TRIP6: variants seen among roughly 807,000 people sequenced by gnomAD.
TRIP6 encodes the protein thyroid receptor-interacting protein 6.
In TRIP6, 33 loss-of-function variants were observed where a neutral mutation model predicts 51.9. That is an observed-to-expected ratio of 0.64 (90% CI 0.48 to 0.85). The LOEUF is 0.85. Among genes scored for constraint, TRIP6 ranks in the 40% least tolerant of loss-of-function variants. TRIP6 has a pLI of 0.00. For missense variants in TRIP6, 661 were observed against 652.1 expected (o/e 1.01, Z -0.15); for synonymous variants, 255 against 275.8 (o/e 0.92, Z 0.75).
chr7:100,871,563 C>T lies in TRIP6; in HGVS notation c.1020C>T (p.Ala340=). The part of the protein sequence containing the change: ...GCYVATLEKC[A]TCSQPILDRI... ...AACAGGCCACCCTGGAGAAATGTGC[C>T]ACGTGCTCCCAGCCCATCCTGGACC... Residue 340 remains alanine, a synonymous_variant, in exon 7 of 9, where the codon GCC becomes GCT. Transcript: ENST00000200457. 3 of 1,613,966 alleles carry T rather than the reference C, an allele frequency of 1.9e-6. No homozygotes were observed. Among genetic ancestry groups the T allele is most frequent in the Non-Finnish European group, 2.5e-6 (3 of 1,179,940 alleles).
chr7:100,868,194 TG>T lies in TRIP6; in HGVS notation c.329del (p.Gly110ValfsTer27). ...LLSSTLAELN[G>X]GRGHASRRPD... is the part of the protein sequence containing the mutation. ...TGAGCAGCACGCTGGCCGAGCTGAA[TG>T]GGGGTCGGGGTCATGCGTCACGGCG... is the stretch of plus-strand genomic sequence containing the variant. On this transcript the variant is annotated frameshift_variant, in exon 3 of 9. Coordinates refer to ENST00000200457, the MANE Select transcript of TRIP6 (RefSeq NM_003302.3). LOFTEE classifies it high-confidence loss of function. The T allele has an allele frequency of 6.2e-7, 1 of 1,610,018 alleles. No individual in the cohort carries two copies. The highest frequency in any genetic ancestry group is 8.5e-7 in the Non-Finnish European group (1 of 1,178,144).
rs375599172 is a variant in TRIP6 at position 100,870,702 on chromosome 7, T to C, written c.958T>C (p.Tyr320His). The C allele has an allele frequency of 3.3e-5, 54 of 1,614,034 alleles. No individual in the cohort carries two copies. The highest frequency in any genetic ancestry group is 4.0e-5 in the Non-Finnish European group (47 of 1,180,030). ...GGCCCAGCTTCGCGGCCAGCATTTC[T>C]ACGCCGTGGAGAGGAGGGCATATTG... is the stretch of plus-strand genomic sequence containing the variant. ...CRAQLRGQHF[Y>H]AVERRAYCEG... Residue 320 changes from tyrosine (Y) to histidine (H), a missense_variant, in exon 6 of 9, where the codon TAC becomes CAC. Physicochemically the swap from Tyr to His is moderately conservative, Grantham distance 83. Coordinates refer to ENST00000200457, the MANE Select transcript of TRIP6 (RefSeq NM_003302.3).
chr7:100,868,124 G>C lies in TRIP6; in HGVS notation c.254G>C (p.Arg85Thr), dbSNP rs201628297. ...CATCCTCAGGGGCTCCCTGCAGACAGGGGGGGCCTTCGCCCTGGAAGCCTG... is the reference window on the plus strand; with the variant it reads ...CATCCTCAGGGGCTCCCTGCAGACACGGGGGGCCTTCGCCCTGGAAGCCTG... ...LQHTQGLPAD[R>T]GGLRPGSLDA... Residue 85 changes from arginine (R) to threonine (T), a missense_variant, in exon 3 of 9, where the codon AGG becomes ACG. Physicochemically the swap from Arg to Thr is moderately conservative, Grantham distance 71 (BLOSUM62 -1). Coordinates refer to ENST00000200457, the MANE Select transcript of TRIP6 (RefSeq NM_003302.3). 7.0e-5 allele frequency: 113 copies of C among 1,610,610 alleles called. 1 individual carries two copies. The East Asian group carries it at 2.3e-3, about 33-fold the overall frequency.
At chr7:100,871,787 C>A in intron 7 of TRIP6, 66 bp downstream of exon 7, 1 of 1,551,966 alleles carries the variant, frequency 6.4e-7, no homozygotes, top group Non-Finnish European at 8.8e-7. Flanking sequence ...TCTCTTCATG[C>A]CCCAGGACTG....
At chr7:100,870,035 A>G (rs1204264372) in intron 4 of TRIP6, among the ~76,000 whole-genome samples, 5 of 152,142 alleles carry the variant, frequency 3.3e-5, no homozygotes, top group Non-Finnish European at 7.4e-5. Flanking sequence ...GCAACTGGAC[A>G]GTCCCATCTG....
In TRIP6 at chr7:100,868,967, A is replaced by G. The variant is rs968430020; in HGVS notation, c.735+101A>G. ...TTAGGGGGCTTTTTTGTTTTTTGAG[A>G]CAGAGTTTTGCTCTTGTTTGCCCAG... On this transcript the variant is annotated intron_variant, in intron 4 of 8. Coordinates refer to ENST00000200457, the MANE Select transcript of TRIP6 (RefSeq NM_003302.3). 6.2e-5 allele frequency: 85 copies of G among 1,366,284 alleles called. No individual in the cohort carries two copies. The South Asian group carries it at 1.6e-3, about 26-fold the overall frequency. The allele number at this position is 1,366,284 out of a possible 1,614,324, so 84.6% of individuals were successfully genotyped here.
Position 100,870,675 on chromosome 7 carries a change from C to G in TRIP6, c.931C>G (p.Arg311Gly). The G allele has an allele frequency of 6.2e-7, 1 of 1,614,082 alleles. No individual in the cohort carries two copies. The stretch of plus-strand genomic sequence containing the variant: ...GGGCTGCTTTGTATGTTCTACATGC[C>G]GGGCCCAGCTTCGCGGCCAGCATTT... ...HVGCFVCSTC[R>G]AQLRGQHFYA... is the part of the protein sequence containing the mutation. The change falls in exon 6 of 9, where the codon CGG (arginine) becomes GGG (glycine). Residue 311 changes from arginine to glycine, a missense_variant. Transcript: ENST00000200457.
intron 8 of TRIP6, 45 bp from the exon 9 acceptor site, chr7:100,873,127 G>T: frequency 4.4e-6 from 7 of 1,595,062 alleles, no homozygotes; most frequent in Non-Finnish European, 6.0e-6. Context: ...GGGATTACAG[G>T]CGTGAGCCAT....
rs1435169072 is a variant in TRIP6 at position 100,868,711 on chromosome 7, C to T, written c.580C>T (p.Pro194Ser). The T allele has an allele frequency of 8.9e-6, 14 of 1,578,348 alleles. No individual in the cohort carries two copies. Among genetic ancestry groups the T allele is most frequent in the Non-Finnish European group, 1.2e-5 (14 of 1,163,456 alleles). The change falls in exon 4 of 9, where the codon CCC becomes TCC. Residue 194 changes from proline (P) to serine (S), a missense_variant. Coordinates refer to ENST00000200457, the MANE Select transcript of TRIP6 (RefSeq NM_003302.3). ...PRRGASQASG[P>S]LPGPHFPLPG... ...GCGGGGAGCCTCTCAGGCCTCTGGG[C>T]CCCTCCCGGGCCCCCACTTTCCTCT...
chr7:100,869,569 T>C (rs1815224880), intron 4 of TRIP6, among the ~76,000 whole-genome samples: 1 of 144,742 alleles, frequency 6.9e-6, no homozygotes, highest in Non-Finnish European at 1.5e-5. Context: ...GAGGTGGAGG[T>C]TGCGGTGAGC....
chr7:100,872,810 G>C, intron 8 of TRIP6, 66 bp downstream of exon 8: 4 of 1,587,562 alleles, frequency 2.5e-6, no homozygotes, highest in Non-Finnish European at 3.4e-6. Context: ...GCATGAGGGG[G>C]AACACAGAGG....
At position 100,867,965 on chromosome 7, in the gene TRIP6, C is replaced by A; in HGVS notation, c.214C>A (p.His72Asn). The change falls in exon 2 of 9, where the codon CAT (histidine) becomes AAT (asparagine). Residue 72 changes from histidine to asparagine, a missense_variant. His to Asn is a moderately conservative substitution (Grantham distance 68). Transcript: ENST00000200457. This position sits in a 1 kb window ranked among gnomAD's most constrained non-coding sequence, Gnocchi z 5.4. The stretch of plus-strand genomic sequence containing the variant: ...TCGGGGGCCGGCGTGGGTGGGGTCC[C>A]ATGGAGTACTCCAGCACACGCAGGT... Reference protein sequence around the residue: ...EDRGPAWVGSHGVLQHTQGLP... With the variant: ...EDRGPAWVGSNGVLQHTQGLP... 6.6e-7 allele frequency: 1 copy of A among 1,514,854 alleles called. No homozygotes were observed. Among genetic ancestry groups the A allele is most frequent in the Non-Finnish European group, 8.8e-7 (1 of 1,134,774 alleles). The allele number at this position is 1,514,854 out of a possible 1,614,324, so 93.8% of individuals were successfully genotyped here.
In TRIP6 at chr7:100,869,624, C is replaced by T. The variant is rs1815226749; in HGVS notation, c.736-746C>T. On this transcript the variant is annotated intron_variant, in intron 4 of 8. Transcript: ENST00000200457. ...TCCAACCTGGGCAACAAGAGCAAAACTCTGTCTCAAAAAAAAAAAAAAAAA... is the reference window on the plus strand; with the variant it reads ...TCCAACCTGGGCAACAAGAGCAAAATTCTGTCTCAAAAAAAAAAAAAAAAA... Among the ~76,000 whole-genome samples, 2 of 128,682 alleles carry T rather than the reference C, an allele frequency of 1.6e-5. 1 individual carries two copies. The highest frequency in any genetic ancestry group is 1.6e-4 in the Admixed American group (2 of 12,348). The allele number at this position is 128,682 out of a possible 152,430, so 84.4% of individuals were successfully genotyped here.
chr7:100,868,703 C>A lies in TRIP6; in HGVS notation c.572C>A (p.Ala191Asp). ...CGPPRRGASQ[A>D]SGPLPGPHFP... is the part of the protein sequence containing the mutation. The stretch of plus-strand genomic sequence containing the variant: ...CCACCCAGGCGGGGAGCCTCTCAGG[C>A]CTCTGGGCCCCTCCCGGGCCCCCAC... The change falls in exon 4 of 9, where the codon GCC becomes GAC. Residue 191 changes from alanine (A) to aspartate (D), a missense_variant. Transcript: ENST00000200457. 1 of 1,581,396 alleles carries A rather than the reference C, an allele frequency of 6.3e-7. No homozygotes were observed. The highest frequency in any genetic ancestry group is 8.6e-7 in the Non-Finnish European group (1 of 1,165,100).
chr7:100,870,561 T>A lies in TRIP6; in HGVS notation c.830-13T>A. ...GGTCTGTGAAGACTGATGCTGTTTC[T>A]CCCTGTCCTCAGGCCAGTGTGGTGG... On this transcript the variant is annotated splice_polypyrimidine_tract_variant and intron_variant, in intron 5 of 8. Coordinates refer to ENST00000200457, the MANE Select transcript of TRIP6 (RefSeq NM_003302.3). The A allele has an allele frequency of 6.2e-7, 1 of 1,612,036 alleles. No individual in the cohort carries two copies. The highest frequency in any genetic ancestry group is 1.1e-5 in the South Asian group (1 of 90,986).
At chr7:100,868,453 T>C (rs1298299289) in intron 3 of TRIP6, 42 bp from the exon 4 acceptor site, 4 of 1,612,210 alleles carry the variant, frequency 2.5e-6, no homozygotes, top group African/African-American at 1.3e-5. Flanking sequence ...GGTCTTGGAG[T>C]GGGGTCCTTG....
In TRIP6 at chr7:100,867,726, GA is replaced by G; in HGVS notation, c.109+122del. On this transcript the variant is annotated intron_variant, in intron 1 of 8. Coordinates refer to ENST00000200457, the MANE Select transcript of TRIP6 (RefSeq NM_003302.3). The surrounding 1 kb of genome is among the most constrained non-coding windows in gnomAD (Gnocchi z 5.4). ...CCCCTTCCCCAAGCCGAGGCGGGGGGAACAGCCGCCTGCGCTCTCTTGGGAC... is the reference window on the plus strand; with the variant it reads ...CCCCTTCCCCAAGCCGAGGCGGGGGGACAGCCGCCTGCGCTCTCTTGGGAC... The G allele has an allele frequency of 3.3e-6, 5 of 1,521,562 alleles. No individual in the cohort carries two copies. The highest frequency in any genetic ancestry group is 4.4e-6 in the Non-Finnish European group (5 of 1,131,254). The allele number at this position is 1,521,562 out of a possible 1,614,324, so 94.3% of individuals were successfully genotyped here. A position where few individuals can be genotyped will look rare whatever the true frequency, so the allele number is the denominator to read the frequency against.
chr7:100,868,499 A>G lies in TRIP6; in HGVS notation c.368A>G (p.Tyr123Cys). 6.2e-7 allele frequency: 1 copy of G among 1,612,960 alleles called. No individual in the cohort carries two copies. The highest frequency in any genetic ancestry group is 8.5e-7 in the Non-Finnish European group (1 of 1,179,988). ...CTGGCCTGCGTTTCTCCTCAGGCAT[A>G]TGAGCCCCCGCCACCTCCTGCCTAC... The part of the protein sequence containing the change: ...HASRRPDRQA[Y>C]EPPPPPAYRT... The change falls in exon 4 of 9, where the codon TAT becomes TGT. Residue 123 changes from tyrosine (Y) to cysteine (C), a missense_variant. Physicochemically the swap from Tyr to Cys is radical, Grantham distance 194. Transcript: ENST00000200457.
At position 100,871,531 on chromosome 7, in the gene TRIP6, C is replaced by A. The variant is rs1815267678; in HGVS notation, c.1000-12C>A. 1.2e-6 allele frequency: 2 copies of A among 1,610,338 alleles called. No homozygotes were observed. The highest frequency in any genetic ancestry group is 1.7e-6 in the Non-Finnish European group (2 of 1,177,380). ...GCCCGCTCCCAGATCTTCCTGCCTT[C>A]CTTCCCAACAGGCCACCCTGGAGAA... On this transcript the variant is annotated splice_polypyrimidine_tract_variant and intron_variant, in intron 6 of 8. Coordinates refer to ENST00000200457, the MANE Select transcript of TRIP6 (RefSeq NM_003302.3).
Sources: gnomAD v4.1 joint callset for allele counts (sites outside exome capture counted in the v4.1 genomes callset) on GRCh38, gnomAD v4.1.1 for gene constraint, Gnocchi (gnomAD v3.1) non-coding constraint, MANE v1.5 for transcripts, NCBI Gene and HGNC (gene_info 2026-07-23, HGNC 2026-07-21) for gene names.